PLD1: variants seen among roughly 807,000 people sequenced by gnomAD.
The protein encoded by PLD1 is phospholipase D1.
In PLD1, 112 loss-of-function variants were observed where a neutral mutation model predicts 137.1. The ratio of observed to expected loss-of-function variants is 0.82; its 90% CI spans 0.70 to 0.96. PLD1 has a LOEUF of 0.96. Among genes scored for constraint, PLD1 ranks in the 40% least tolerant of loss-of-function variants. The probability of loss-of-function intolerance (pLI) is 0.00; values close to 1 mark genes in which losing one functional copy is unlikely to be tolerated. For missense variants in PLD1, 1,321 were observed against 1,342.0 expected (o/e 0.98, Z 0.24); for synonymous variants, 431 against 454.7 (o/e 0.95, Z 0.66).
intron 18 of PLD1, among the ~76,000 whole-genome samples, 161 bp downstream of exon 18, chr3:171,676,554 C>CAG (rs774535278): frequency 1.3e-5 from 2 of 151,442 alleles, no homozygotes; most frequent in Non-Finnish European, 2.9e-5. Context: ...TTTTTTTGCC[C>CAG]AGATGCCCAG....
intron 1 of PLD1, among the ~76,000 whole-genome samples, chr3:171,770,661 C>T (rs982469541): frequency 6.6e-6 from 1 of 151,872 alleles, no homozygotes; most frequent in Non-Finnish European, 1.5e-5. Flanking sequence ...GCAGGCAAAT[C>T]GCTTGAGCCC....
intron 23 of PLD1, among the ~76,000 whole-genome samples, chr3:171,625,537 G>A (rs867901304): frequency 1.7e-4 from 26 of 152,218 alleles, no homozygotes; most frequent in Admixed American, 6.5e-5. Context: ...ATCTGAGAAC[G>A]GGCAGACTGC....
At chr3:171,733,108 T>C (rs1027117088) in intron 6 of PLD1, among the ~76,000 whole-genome samples, 3 of 152,218 alleles carry the variant, frequency 2.0e-5, no homozygotes, top group African/African-American at 7.2e-5. Flanking sequence ...CAGTTACTCT[T>C]TGTAGCTAAA....
intron 11 of PLD1, among the ~76,000 whole-genome samples, chr3:171,707,248 A>G (rs184613067): frequency 1.2e-3 from 183 of 152,262 alleles, no homozygotes; most frequent in African/African-American, 4.3e-3. Flanking sequence ...CATACAACAA[A>G]TTCCCATGCT....
chr3:171,691,635 G>A (rs1275535722), intron 13 of PLD1, among the ~76,000 whole-genome samples: 2 of 152,122 alleles, frequency 1.3e-5, no homozygotes, highest in Non-Finnish European at 2.9e-5. Context: ...TACATCTTTA[G>A]TGGGTACTTG....
chr3:171,808,112 A>AT (rs1197932327), intron 1 of PLD1, among the ~76,000 whole-genome samples: 3 of 152,210 alleles, frequency 2.0e-5, no homozygotes, highest in East Asian at 3.8e-4. Flanking sequence ...TTAAAAAATT[A>AT]TCAGGTACTA....
At chr3:171,715,508 A>G (rs1285285193) in intron 8 of PLD1, among the ~76,000 whole-genome samples, 1 of 151,988 alleles carries the variant, frequency 6.6e-6, no homozygotes, top group Non-Finnish European at 1.5e-5. Context: ...TTCTGTGAAA[A>G]TGTCATTAGT....
At chr3:171,737,777 G>T in intron 2 of PLD1, 115 bp downstream of exon 2, 1 of 1,337,180 alleles carries the variant, frequency 7.5e-7, no homozygotes, top group Non-Finnish European at 1.0e-6. Flanking sequence ...AATGATCTGA[G>T]CCCGGTGTTA....
chr3:171,792,260 C>T (rs1723242214), intron 1 of PLD1: 1 of 237,188 alleles, frequency 4.2e-6, no homozygotes, highest in Non-Finnish European at 8.4e-6. Flanking sequence ...TCAATTCCAT[C>T]CTCTTTCCCT....
rs1732714982 is a variant in PLD1 at position 171,612,198 on chromosome 3, T to C, written c.2882+81A>G. 3 of 1,292,158 alleles carry C rather than the reference T, an allele frequency of 2.3e-6. No individual in the cohort carries two copies. Among genetic ancestry groups the C allele is most frequent in the South Asian group, 1.3e-5 (1 of 75,808 alleles). The allele number at this position is 1,292,158 out of a possible 1,614,324, so 80.0% of individuals were successfully genotyped here. On this transcript the variant is annotated intron_variant, in intron 25 of 26. Coordinates refer to ENST00000351298, the MANE Select transcript of PLD1 (RefSeq NM_002662.5). This position sits in a 1 kb window ranked among gnomAD's most constrained non-coding sequence, Gnocchi z 4.1. The stretch of plus-strand genomic sequence containing the variant: ...ATGAAGAAGAACCTAGGATGACCCA[T>C]GTGCTCAGGGCTAGCGGGGCTGGGT...
chr3:171,659,069 T>C, intron 21 of PLD1, 144 bp downstream of exon 21: 1 of 656,854 alleles, frequency 1.5e-6, no homozygotes, highest in Non-Finnish European at 2.7e-6. Context: ...TGACTCAGAC[T>C]AAAGGCATCA....
Position 171,605,342 on chromosome 3 carries a change from ACCT to A in PLD1, c.2954_2956del (p.Glu985del), listed in dbSNP as rs760710277. ...ATTTCGAGCTGCTGTTGAAACCCAC[ACCT>A]CCTTGAAGAATTTGTCACTCACTGG... On this transcript the variant is annotated inframe_deletion, in exon 26 of 27. Transcript: ENST00000351298. The A allele has an allele frequency of 3.1e-6, 5 of 1,613,408 alleles. No individual in the cohort carries two copies. The highest frequency in any genetic ancestry group is 1.6e-4 in the Middle Eastern group (1 of 6,080).
At chr3:171,702,801 TTAAG>T (rs1363130385) in intron 11 of PLD1, among the ~76,000 whole-genome samples, 1 of 152,136 alleles carries the variant, frequency 6.6e-6, no homozygotes, top group Non-Finnish European at 1.5e-5. Flanking sequence ...TATCAAATAT[TTAAG>T]AAAGAAATGA....
At chr3:171,799,764 A>G (rs114156007) in intron 1 of PLD1, among the ~76,000 whole-genome samples, 704 of 152,354 alleles carry the variant, frequency 4.6e-3, no homozygotes, top group Middle Eastern at 0.01. Flanking sequence ...ATACGATGTA[A>G]TAAATATGGT....
chr3:171,630,486 C>T (rs1380975394), intron 23 of PLD1, among the ~76,000 whole-genome samples: 9 of 120,720 alleles, frequency 7.5e-5, no homozygotes, highest in Admixed American at 4.2e-4. Flanking sequence ...ACTAGAAATA[C>T]CATTTGACCC....
intron 1 of PLD1, among the ~76,000 whole-genome samples, chr3:171,751,114 A>C (rs1297315312): frequency 2.0e-5 from 3 of 152,214 alleles, no homozygotes; most frequent in African/African-American, 7.2e-5. Flanking sequence ...ATTCAGAGAA[A>C]TATAAAATAA....
At chr3:171,775,590 C>A (rs1011044211) in intron 1 of PLD1, among the ~76,000 whole-genome samples, 4 of 152,022 alleles carry the variant, frequency 2.6e-5, no homozygotes, top group African/African-American at 9.7e-5. Flanking sequence ...CGTCTGTGAT[C>A]CCAGCACTTT....
chr3:171,763,450 AGGAGGGGAGGGGAGGGGAGGGGAGG>A (rs1175069900), intron 1 of PLD1, among the ~76,000 whole-genome samples: 8 of 71,798 alleles, frequency 1.1e-4, no homozygotes, highest in Non-Finnish European at 2.1e-4. Flanking sequence ...GAAGAGAAAG[AGGAGGGGAGGGGAGGGGAGGGGAGG>A]GGAGGGGAGG....
At chr3:171,752,902 C>T (rs1720759228) in intron 1 of PLD1, among the ~76,000 whole-genome samples, 1 of 152,146 alleles carries the variant, frequency 6.6e-6, no homozygotes, top group Non-Finnish European at 1.5e-5. Context: ...TCTGTAATGC[C>T]TGGCACACAT....
Sources: allele counts gnomAD v4.1 joint callset (sites outside exome capture counted in the v4.1 genomes callset), GRCh38; gene constraint gnomAD v4.1.1; non-coding constraint Gnocchi (gnomAD v3.1); transcripts MANE v1.5; gene names NCBI Gene and HGNC (gene_info 2026-07-23, HGNC 2026-07-21).